Variants in KIRREL3 observed in about 807,000 individuals in gnomAD.
KIRREL3 encodes kirre like nephrin family adhesion molecule 3.
KIRREL3 carries 36 observed loss-of-function variants against 89.7 expected under a neutral mutation model. The observed-to-expected ratio is 0.40, with a 90% confidence interval of 0.31 to 0.53. KIRREL3 has a LOEUF of 0.53. KIRREL3 is among the 20% of genes least tolerant of loss of function. The pLI is 0.49. For missense variants in KIRREL3, 864 were observed against 1,056.6 expected (o/e 0.82, Z 2.53); for synonymous variants, 445 against 441.4 (o/e 1.01, Z -0.10).
intron 1 of KIRREL3, among the ~76,000 whole-genome samples, chr11:126,839,899 A>G (rs1241933705): frequency 6.6e-6 from 1 of 152,198 alleles, no homozygotes; most frequent in Non-Finnish European, 1.5e-5. Flanking sequence ...TGTCATGAAT[A>G]TTTAAGTGGA....
intron 1 of KIRREL3, among the ~76,000 whole-genome samples, chr11:126,815,381 C>A (rs558802023): frequency 9.9e-5 from 15 of 152,200 alleles, no homozygotes; most frequent in Admixed American, 2.6e-4. Flanking sequence ...AGGCACACAA[C>A]TGACTTCTCT....
chr11:126,828,676 T>C (rs1039754300), intron 1 of KIRREL3, among the ~76,000 whole-genome samples: 1 of 152,192 alleles, frequency 6.6e-6, no homozygotes, highest in African/African-American at 2.4e-5. Context: ...ACGTAGGCTC[T>C]GCAGTCACGC....
intron 1 of KIRREL3, among the ~76,000 whole-genome samples, chr11:126,866,865 G>A: frequency 6.6e-6 from 1 of 152,090 alleles, no homozygotes; most frequent in East Asian, 1.9e-4. Context: ...TCCCCTTGTG[G>A]CCTCCGCATC....
rs1332383015 is a variant in KIRREL3, at chr11:126,623,427, T to G, written c.56-60515A>C. Among the ~76,000 whole-genome samples, 1 of 152,186 alleles carries G rather than the reference T, an allele frequency of 6.6e-6. No homozygotes were observed. Among genetic ancestry groups the G allele is most frequent in the Non-Finnish European group, 1.5e-5 (1 of 68,026 alleles). On this transcript the variant is annotated intron_variant, in intron 1 of 16. Coordinates refer to ENST00000525144, the MANE Select transcript of KIRREL3 (RefSeq NM_032531.4). This position sits in a 1 kb window ranked among gnomAD's most constrained non-coding sequence, Gnocchi z 4.1. Reference sequence around the variant, plus strand: ...TCTTCTCAGCTTGTTGCTCCTTCACTGTAAGTCCAAGTTCTTTGAAGGAAG... The same window carrying G: ...TCTTCTCAGCTTGTTGCTCCTTCACGGTAAGTCCAAGTTCTTTGAAGGAAG...
At chr11:126,681,180 C>T (rs543593605) in intron 1 of KIRREL3, among the ~76,000 whole-genome samples, 10 of 152,188 alleles carry the variant, frequency 6.6e-5, no homozygotes, top group Admixed American at 2.0e-4. Context: ...TCCCCCTTGT[C>T]ACTCGCCTGG....
In KIRREL3 at chr11:126,703,145, T is replaced by C. The variant is rs1356883135; in HGVS notation, c.56-140233A>G. On this transcript the variant is annotated intron_variant, in intron 1 of 16. Transcript: ENST00000525144. This position sits in a 1 kb window ranked among gnomAD's most constrained non-coding sequence, Gnocchi z 4.6. ...GTGGCTGGGCTGGGGCAGGAGACAC[T>C]GTAAAGAGCCAGTAGGCCTGGATTC... 2.0e-5 allele frequency among the ~76,000 whole-genome samples: 3 copies of C among 152,224 alleles called. No homozygotes were observed. The highest frequency in any genetic ancestry group is 6.5e-5 in the Admixed American group (1 of 15,284).
intron 1 of KIRREL3, among the ~76,000 whole-genome samples, chr11:126,973,008 A>G (rs1232113473): frequency 6.7e-6 from 1 of 150,130 alleles, no homozygotes; most frequent in East Asian, 2.0e-4. Flanking sequence ...AATGGGAATT[A>G]TATTTGTATA....
At chr11:126,835,066 G>A (rs1011078989) in intron 1 of KIRREL3, among the ~76,000 whole-genome samples, 11 of 152,154 alleles carry the variant, frequency 7.2e-5, no homozygotes, top group African/African-American at 2.4e-4. Context: ...TTCTACCATC[G>A]TGGAGTTTCC....
rs1326993014 is a variant in KIRREL3, at chr11:126,601,071, C to A, written c.56-38159G>T. Among the ~76,000 whole-genome samples, 2 of 151,482 alleles carry A rather than the reference C, an allele frequency of 1.3e-5. No individual in the cohort carries two copies. The highest frequency in any genetic ancestry group is 4.9e-5 in the African/African-American group (2 of 41,236). On this transcript the variant is annotated intron_variant, in intron 1 of 16. Transcript: ENST00000525144. This position sits in a 1 kb window ranked among gnomAD's most constrained non-coding sequence, Gnocchi z 5.8. ...AGAAGCGAAATTTAAAACCCTTTGT[C>A]CCCCGTCCTCCCAGCCCCCCGATGT... is the stretch of plus-strand genomic sequence containing the variant.
At chr11:126,820,443 C>A (rs1362802485) in intron 1 of KIRREL3, among the ~76,000 whole-genome samples, 2 of 152,122 alleles carry the variant, frequency 1.3e-5, no homozygotes, top group Admixed American at 1.3e-4. Context: ...AGTGGAATAA[C>A]TATATAAGGT....
Position 126,917,402 on chromosome 11 carries a change from A to G in KIRREL3, c.55+83053T>C, listed in dbSNP as rs536927249. Among the ~76,000 whole-genome samples, 1 of 152,356 alleles carries G rather than the reference A, an allele frequency of 6.6e-6. No individual in the cohort carries two copies. The highest frequency in any genetic ancestry group is 6.5e-5 in the Admixed American group (1 of 15,308). The stretch of plus-strand genomic sequence containing the variant: ...TGGTGATGGTTGCACAACATTGTCA[A>G]TATAGTTAATGCCACTAAACCGTAT... On this transcript the variant is annotated intron_variant, in intron 1 of 16. Transcript: ENST00000525144. This position sits in a 1 kb window ranked among gnomAD's most constrained non-coding sequence, Gnocchi z 5.0.
intron 1 of KIRREL3, among the ~76,000 whole-genome samples, chr11:126,951,030 A>T (rs986224375): frequency 1.3e-5 from 2 of 152,228 alleles, no homozygotes; most frequent in African/African-American, 2.4e-5. Context: ...GCAGACAGAA[A>T]TGTTCCCAAG....
Position 127,000,591 on chromosome 11 carries a change from C to T in KIRREL3, c.-82G>A. The T allele has an allele frequency of 6.9e-7, 1 of 1,455,750 alleles. No homozygotes were observed. Among genetic ancestry groups the T allele is most frequent in the Non-Finnish European group, 9.4e-7 (1 of 1,065,652 alleles). 90.2% of individuals were successfully genotyped at this position (1,455,750 alleles called of 1,614,324 possible). ...TCCTTGGCGGCTCTCGGTGCTCAGC[C>T]TCCGCCGGTCCTCTCGGGTTCGCGC... On this transcript the variant is annotated 5_prime_UTR_variant, in exon 1 of 17. Coordinates refer to ENST00000525144, the MANE Select transcript of KIRREL3 (RefSeq NM_032531.4). This position sits in a 1 kb window ranked among gnomAD's most constrained non-coding sequence, Gnocchi z 7.1.
chr11:126,653,738 A>G lies in KIRREL3; in HGVS notation c.56-90826T>C, dbSNP rs1945005491. Among the ~76,000 whole-genome samples, 1 of 152,220 alleles carries G rather than the reference A, an allele frequency of 6.6e-6. No individual in the cohort carries two copies. Among genetic ancestry groups the G allele is most frequent in the Non-Finnish European group, 1.5e-5 (1 of 68,040 alleles). On this transcript the variant is annotated intron_variant, in intron 1 of 16. Coordinates refer to ENST00000525144, the MANE Select transcript of KIRREL3 (RefSeq NM_032531.4). This position sits in a 1 kb window ranked among gnomAD's most constrained non-coding sequence, Gnocchi z 5.4. The stretch of plus-strand genomic sequence containing the variant: ...CATGGCAAGGCTGAGGCCAAGCCCC[A>G]AAGTTCACGGACATTCCATAAAAAG...
rs7115471 is a variant in KIRREL3, at chr11:126,762,828, C to T, written c.56-199916G>A. Among the ~76,000 whole-genome samples, 540 of 152,284 alleles carry T rather than the reference C, an allele frequency of 3.5e-3. 5 individuals carry two copies. Among genetic ancestry groups the T allele is most frequent in the African/African-American group, 0.012 (518 of 41,562 alleles). ...TGTCACAGTCTCTTTCGTCAACCTG[C>T]TTGGCAGGCTATCTGTGGCTTAATG... On this transcript the variant is annotated intron_variant, in intron 1 of 16. Coordinates refer to ENST00000525144, the MANE Select transcript of KIRREL3 (RefSeq NM_032531.4).
chr11:126,966,289 G>A (rs1450790412), intron 1 of KIRREL3, among the ~76,000 whole-genome samples: 1 of 152,132 alleles, frequency 6.6e-6, no homozygotes, highest in Non-Finnish European at 1.5e-5. Flanking sequence ...GAAAAAGTCG[G>A]CAAAAGCAGG....
At chr11:126,873,516 A>C (rs1300222005) in intron 1 of KIRREL3, among the ~76,000 whole-genome samples, 2 of 152,204 alleles carry the variant, frequency 1.3e-5, no homozygotes, top group Non-Finnish European at 2.9e-5. Flanking sequence ...AAAATTAATG[A>C]TTCCCTTTGT....
chr11:126,840,271 T>A (rs964904746), intron 1 of KIRREL3, among the ~76,000 whole-genome samples: 2 of 152,148 alleles, frequency 1.3e-5, no homozygotes, highest in African/African-American at 4.8e-5. Context: ...TATATATGAT[T>A]TCTGTAGGAA....
intron 1 of KIRREL3, among the ~76,000 whole-genome samples, chr11:126,617,905 AAGC>A (rs1943417390): frequency 2.0e-5 from 3 of 152,200 alleles, no homozygotes. Context: ...CAGAGGTAAA[AAGC>A]AGAGTTGGAT....
Sources: allele counts gnomAD v4.1 joint callset (sites outside exome capture counted in the v4.1 genomes callset), GRCh38; gene constraint gnomAD v4.1.1; non-coding constraint Gnocchi (gnomAD v3.1); transcripts MANE v1.5; gene names NCBI Gene and HGNC (gene_info 2026-07-23, HGNC 2026-07-21).